Variants in ADAMTS9 observed in about 807,000 individuals in gnomAD.
The protein encoded by ADAMTS9 is ADAM metallopeptidase with thrombospondin type 1 motif 9, also known as A disintegrin and metalloproteinase with thrombospondin motifs 9.
Under a neutral mutation model 257.1 loss-of-function variants are expected in ADAMTS9, and 107 were observed. The ratio of observed to expected loss-of-function variants is 0.42; its 90% CI spans 0.36 to 0.49. ADAMTS9 has a LOEUF of 0.49. Among genes scored for constraint, ADAMTS9 ranks in the 20% least tolerant of loss-of-function variants. ADAMTS9 has a pLI of 0.03. For synonymous variants in ADAMTS9, 982 were observed against 880.9 expected (o/e 1.11, Z -2.03); for missense variants, 2,353 against 2,469.1 (o/e 0.95, Z 1.00).
intron 3 of ADAMTS9, among the ~76,000 whole-genome samples, chr3:64,659,020 A>G (rs915206770): frequency 6.6e-6 from 1 of 152,206 alleles, no homozygotes; most frequent in Non-Finnish European, 1.5e-5. Context: ...ACGGTATTAG[A>G]AAATCAGGCC....
At position 64,647,931 on chromosome 3, in the gene ADAMTS9, A is replaced by G; in HGVS notation, c.1710+9T>C. 1.9e-6 allele frequency: 3 copies of G among 1,612,662 alleles called. No homozygotes were observed. The highest frequency in any genetic ancestry group is 2.2e-5 in the East Asian group (1 of 44,874). On this transcript the variant is annotated intron_variant, in intron 11 of 39. Transcript: ENST00000498707. ...CTAAGACAGAAGGACAGAACAGGGC[A>G]TTACTTGCCTTTCCAGGCTCGCACT...
intron 8 of ADAMTS9, 77 bp downstream of exon 8, chr3:64,654,276 G>A (rs1701002006): frequency 7.1e-7 from 1 of 1,411,648 alleles, no homozygotes; most frequent in Non-Finnish European, 9.8e-7. Flanking sequence ...CGAAAGTCAA[G>A]TAAATGCTCA....
At chr3:64,616,538 C>T (rs1339539816) in intron 19 of ADAMTS9, among the ~76,000 whole-genome samples, 1 of 92,996 alleles carries the variant, frequency 1.1e-5, no homozygotes, top group Non-Finnish European at 2.8e-5. Flanking sequence ...AAGACATGGA[C>T]TATATTTTAT....
At chr3:64,550,551 G>A (rs894744) in intron 31 of ADAMTS9, 172,076 of 225,702 alleles carry the variant, frequency 0.76, 68,405 homozygotes, top group Admixed American at 0.86. Context: ...TGGCACTACA[G>A]TATTTTCTTA....
rs1290142515 is a variant in ADAMTS9, at chr3:64,622,315, C to G, written c.2569G>C (p.Gly857Arg). ...CGTACATCGGGGTTGTACAACTTTC[C>G]CACCGACAAAACCTAGAATGTGTGG... Reference protein sequence around the residue: ...QELLLQVLSVGKLYNPDVRYS... With the variant: ...QELLLQVLSVRKLYNPDVRYS... Residue 857 changes from glycine (G) to arginine (R), a missense_variant, in exon 18 of 40, where the codon GGA (glycine) becomes CGA (arginine). This residue lies in a region of ADAMTS9 where 1,402 missense variants were observed against 1,441.4 expected (regional missense o/e 0.97). Coordinates refer to ENST00000498707, the MANE Select transcript of ADAMTS9 (RefSeq NM_182920.2). The G allele has an allele frequency of 6.2e-7, 1 of 1,613,360 alleles. No individual in the cohort carries two copies.
At chr3:64,622,662 G>T (rs963970200) in intron 16 of ADAMTS9, 76 bp from the exon 17 acceptor site, 2 of 1,511,080 alleles carry the variant, frequency 1.3e-6, no homozygotes, top group African/African-American at 2.7e-5. Flanking sequence ...GTAACATCTG[G>T]ATAGGTAGAG....
intron 26 of ADAMTS9, among the ~76,000 whole-genome samples, chr3:64,597,246 T>C (rs555911157): frequency 2.0e-5 from 3 of 152,312 alleles, no homozygotes; most frequent in African/African-American, 7.2e-5. Flanking sequence ...AGGGGTTCCA[T>C]AAATGCCTAA....
chr3:64,650,867 CTTTTTTT>C, intron 9 of ADAMTS9, 143 bp downstream of exon 9: 1 of 476,560 alleles, frequency 2.1e-6, no homozygotes, highest in Non-Finnish European at 3.4e-6. Context: ...TGTCAGAGAG[CTTTTTTT>C]TTTTTTTTTT....
intron 3 of ADAMTS9, among the ~76,000 whole-genome samples, chr3:64,680,545 C>G (rs12492549): frequency 0.11 from 17,443 of 152,092 alleles, 1,619 homozygotes; most frequent in East Asian, 0.45. Context: ...ATGACATATC[C>G]TTGACAATGG....
chr3:64,657,012 G>A (rs921060379), intron 4 of ADAMTS9, among the ~76,000 whole-genome samples: 9 of 152,148 alleles, frequency 5.9e-5, no homozygotes, highest in Admixed American at 5.9e-4. Context: ...AGTCTATACG[G>A]GCTTTTCTGG....
intron 27 of ADAMTS9, among the ~76,000 whole-genome samples, chr3:64,595,167 T>A (rs2084341368): frequency 6.6e-6 from 1 of 152,136 alleles, no homozygotes; most frequent in Admixed American, 6.5e-5. Context: ...TCTGGCAAAT[T>A]TTAAGAAGCT....
chr3:64,530,513 G>A (rs374040311), intron 38 of ADAMTS9, among the ~76,000 whole-genome samples: 3 of 134,498 alleles, frequency 2.2e-5, no homozygotes, highest in African/African-American at 5.8e-5. Context: ...AACTGCCAAG[G>A]AACACCAAGA....
chr3:64,606,950 G>A lies in ADAMTS9; in HGVS notation c.3474+10C>T. On this transcript the variant is annotated intron_variant, in intron 23 of 39. Transcript: ENST00000498707. ...AAAGTCAATAACTGAGTTGGACAAA[G>A]GAAACTTACCTGGGTATCAGTTGGT... 6.2e-7 allele frequency: 1 copy of A among 1,613,360 alleles called. No individual in the cohort carries two copies. The highest frequency in any genetic ancestry group is 8.5e-7 in the Non-Finnish European group (1 of 1,179,536).
At chr3:64,606,309 C>T (rs2084555157) in intron 23 of ADAMTS9, among the ~76,000 whole-genome samples, 1 of 152,158 alleles carries the variant, frequency 6.6e-6, no homozygotes, top group African/African-American at 2.4e-5. Flanking sequence ...TGAATTGTAG[C>T]CCTTGCTGAT....
rs2106897626 is a variant in ADAMTS9, at chr3:64,633,475, G to A, written c.2172C>T (p.Cys724=). ...GAAAACACCATCAAGGACTTACCCG[G>A]CAAAGGCCCTGGACACAGATATCAT... is the stretch of plus-strand genomic sequence containing the variant. ...DTNDICVQGL[C]RQAGCDHVLN... is the part of the protein sequence containing the mutation. The change falls in exon 14 of 40, where the codon TGC becomes TGT. Residue 724 remains cysteine, a synonymous_variant. Coordinates refer to ENST00000498707, the MANE Select transcript of ADAMTS9 (RefSeq NM_182920.2). 6.8e-6 allele frequency: 11 copies of A among 1,613,874 alleles called. No homozygotes were observed. The highest frequency in any genetic ancestry group is 4.5e-5 in the East Asian group (2 of 44,850).
intron 28 of ADAMTS9, among the ~76,000 whole-genome samples, chr3:64,578,803 A>G (rs11130974): frequency 0.2 from 30,347 of 152,042 alleles, 3,413 homozygotes; most frequent in Middle Eastern, 0.26. Context: ...CTTGCACCCC[A>G]TAGTCAACTC....
At chr3:64,568,744 C>A in intron 28 of ADAMTS9, 1 of 522,606 alleles carries the variant, frequency 1.9e-6, no homozygotes, top group Non-Finnish European at 3.2e-6. Context: ...CAGCAGCAAT[C>A]CTGTGTGGCA....
At chr3:64,659,042 G>A (rs1308863329) in intron 3 of ADAMTS9, among the ~76,000 whole-genome samples, 2 of 152,138 alleles carry the variant, frequency 1.3e-5, no homozygotes, top group Non-Finnish European at 2.9e-5. Context: ...GAGCTTAAGG[G>A]AAACAATTGC....
At chr3:64,637,618 A>C (rs1348763179) in intron 12 of ADAMTS9, among the ~76,000 whole-genome samples, 1 of 152,244 alleles carries the variant, frequency 6.6e-6, no homozygotes, top group African/African-American at 2.4e-5. Context: ...TTGAACAGAA[A>C]TCAACTTCTA....
Sources: allele counts gnomAD v4.1 joint callset (sites outside exome capture counted in the v4.1 genomes callset), GRCh38; gene constraint gnomAD v4.1.1; regional missense constraint gnomAD v4.1.1; transcripts MANE v1.5; gene names NCBI Gene and HGNC (gene_info 2026-07-23, HGNC 2026-07-21).